The following HUS1 variants were observed in gnomAD, a reference collection of about 807,000 sequenced individuals.
The protein encoded by HUS1 is HUS1 checkpoint clamp component.
HUS1 carries 31 observed loss-of-function variants against 32.6 expected under a neutral mutation model. That is an observed-to-expected ratio of 0.95 (90% CI 0.72 to 1.28). The LOEUF (loss-of-function observed/expected upper bound fraction) is 1.28. Among genes scored for constraint, HUS1 ranks in the 50% most tolerant of loss-of-function variants. The pLI is 0.00. For missense variants in HUS1, 340 were observed against 337.7 expected, an observed-to-expected ratio of 1.01 and a Z score of -0.05; for synonymous variants, 123 against 116.6, an observed-to-expected ratio of 1.06 and a Z score of -0.36.
At chr7:47,978,152 G>T in intron 3 of HUS1, 1 of 368,828 alleles carries the variant, frequency 2.7e-6, no homozygotes, top group South Asian at 5.1e-5. Context: ...TAGACAAGGT[G>T]ACAATACCAC....
chr7:47,968,783 T>G (rs1470312595), intron 6 of HUS1: 1 of 158,884 alleles, frequency 6.3e-6, no homozygotes, highest in Non-Finnish European at 1.4e-5. Context: ...AGAAATGTGA[T>G]CAAGTGAAAC....
chr7:47,967,911 G>A lies in HUS1; in HGVS notation c.655C>T (p.His219Tyr). The change falls in exon 7 of 8, where the codon CAT becomes TAT. Residue 219 changes from histidine to tyrosine, a missense_variant. Coordinates refer to ENST00000258774, the MANE Select transcript of HUS1 (RefSeq NM_004507.4). ...ATGTGTTCCACGTTTCTGTCCTCATGGGTGCTTTCAGAGGCTAAAATGATA... is the reference window on the plus strand; with the variant it reads ...ATGTGTTCCACGTTTCTGTCCTCATAGGTGCTTTCAGAGGCTAAAATGATA... ...GNPPLASESTHEDRNVEHMAE... is the reference protein window; with the variant it reads ...GNPPLASESTYEDRNVEHMAE... 6.2e-7 allele frequency: 1 copy of A among 1,612,408 alleles called. No homozygotes were observed. Among genetic ancestry groups the A allele is most frequent in the East Asian group, 2.2e-5 (1 of 44,862 alleles).
intron 3 of HUS1, 81 bp downstream of exon 3, chr7:47,978,336 T>C (rs981918719): frequency 8.3e-7 from 1 of 1,204,696 alleles, no homozygotes. Context: ...ACAGTATTTA[T>C]TGTTAAAAAG....
At chr7:47,975,109 C>T (rs2686841) in intron 5 of HUS1, among the ~76,000 whole-genome samples, 5 of 151,836 alleles carry the variant, frequency 3.3e-5, no homozygotes, top group Non-Finnish European at 5.9e-5. Context: ...GTCAGGAGAT[C>T]GAGACCATCC....
chr7:47,969,182 T>C, intron 6 of HUS1, 37 bp downstream of exon 6: 1 of 1,058,428 alleles, frequency 9.4e-7, no homozygotes. Flanking sequence ...AACAATTAAC[T>C]TATCCAAAGC....
At chr7:47,972,067 T>C (rs1788610871) in intron 5 of HUS1, among the ~76,000 whole-genome samples, 1 of 152,196 alleles carries the variant, frequency 6.6e-6, no homozygotes, top group Non-Finnish European at 1.5e-5. Context: ...AAATATATTG[T>C]TATATTTCCT....
rs1313219578 is a variant in HUS1 at position 47,963,452 on chromosome 7, AACT to A, written c.*1901_*1903del. On this transcript the variant is annotated 3_prime_UTR_variant, in exon 8 of 8. Coordinates refer to ENST00000258774, the MANE Select transcript of HUS1 (RefSeq NM_004507.4). Reference sequence around the variant, plus strand: ...TTTAACAGCAATTTCAGTTTTATAAAACTACTTTCAGATATTGTTTCATTTTGT... The same window carrying A: ...TTTAACAGCAATTTCAGTTTTATAAAACTTTCAGATATTGTTTCATTTTGT... 1.3e-5 allele frequency: 2 copies of A among 152,206 alleles called. No individual in the cohort carries two copies. Among genetic ancestry groups the A allele is most frequent in the African/African-American group, 4.8e-5 (2 of 41,420 alleles). The allele number at this position is 152,206 out of a possible 1,614,324, so 9.4% of individuals were successfully genotyped here.
chr7:47,969,402 G>T (rs1788548632), intron 5 of HUS1, 84 bp from the exon 6 acceptor site: 1 of 726,668 alleles, frequency 1.4e-6, no homozygotes, highest in Admixed American at 2.5e-5. Flanking sequence ...CACACAACCA[G>T]ATGACAAAGT....
rs147406656 is a variant in HUS1, at chr7:47,971,184, A to C, written c.541-1866T>G. 4.7e-3 allele frequency: 806 copies of C among 169,840 alleles called. 3 individuals are homozygous for C. The highest frequency in any genetic ancestry group is 8.1e-3 in the Non-Finnish European group (642 of 79,110). 10.5% of individuals were successfully genotyped at this position (169,840 alleles called of 1,614,324 possible). On this transcript the variant is annotated intron_variant, in intron 5 of 7. Transcript: ENST00000258774. ...AAATATAAATCAACCATTTGTCATA[A>C]ACACACATTTAATATGACTATAAGG...
rs1320886928 is a variant in HUS1, at chr7:47,978,435, G to C, written c.339C>G (p.Leu113=). 1.2e-6 allele frequency: 2 copies of C among 1,614,070 alleles called. No individual in the cohort carries two copies. The highest frequency in any genetic ancestry group is 2.7e-5 in the African/African-American group (2 of 74,942). ...IKLTNKHFPC[L]TVSVELLSMS... Reference sequence around the variant, plus strand: ...TACTCACCAGCTCCACGGAGACCGTGAGGCAGGGAAAGTGTTTATTAGTCA... The same window carrying C: ...TACTCACCAGCTCCACGGAGACCGTCAGGCAGGGAAAGTGTTTATTAGTCA... Residue 113 remains leucine, a synonymous_variant, in exon 3 of 8, where the codon CTC becomes CTG. Transcript: ENST00000258774.
rs1200133173 is a variant in HUS1, at chr7:47,968,271, TA to T, written c.641-347del. Among the ~76,000 whole-genome samples the T allele has an allele frequency of 3.8e-3, 548 of 145,554 alleles. 3 individuals carry two copies. Among genetic ancestry groups the T allele is most frequent in the African/African-American group, 0.012 (484 of 39,784 alleles). ...AAGGCCTGTCATTCTGGAGTGGAAT[TA>T]AAAAAAAAAAGAAAACATCCTTTCT... On this transcript the variant is annotated intron_variant, in intron 6 of 7. Transcript: ENST00000258774.
chr7:47,965,724 T>C (rs571031439), intron 7 of HUS1, among the ~76,000 whole-genome samples: 94 of 152,196 alleles, frequency 6.2e-4, no homozygotes, highest in Middle Eastern at 3.4e-3. Flanking sequence ...TTCACCCACA[T>C]GAGCATCCTT....
At chr7:47,975,043 G>A (rs938090842) in intron 5 of HUS1, among the ~76,000 whole-genome samples, 4 of 152,208 alleles carry the variant, frequency 2.6e-5, no homozygotes, top group African/African-American at 9.6e-5. Context: ...GCCGGGCGCG[G>A]TGGCTCACGC....
chr7:47,968,579 T>A (rs1050596688), intron 6 of HUS1, among the ~76,000 whole-genome samples: 3 of 152,360 alleles, frequency 2.0e-5, no homozygotes, highest in Admixed American at 1.3e-4. Context: ...GATTTTCTCA[T>A]CATCCCCAGG....
In HUS1 at chr7:47,978,545, TG is replaced by T. The variant is rs1307409934; in HGVS notation, c.228del (p.Asn76LysfsTer6). On this transcript the variant is annotated frameshift_variant, in exon 3 of 8. Coordinates refer to ENST00000258774, the MANE Select transcript of HUS1 (RefSeq NM_004507.4). LOFTEE classifies it high-confidence loss of function. Reference protein sequence around the residue: ...EFQMEGVSAENNEIYLELTSE... With the variant: ...EFQMEGVSAEXNEIYLELTSE... ...GATGTTAGCTCTAAATAAATCTCAT[TG>T]TTTTCTGCAGAGACACCCTCCATTT... 2 of 1,614,124 alleles carry T rather than the reference TG, an allele frequency of 1.2e-6. No homozygotes were observed. Among genetic ancestry groups the T allele is most frequent in the Non-Finnish European group, 1.7e-6 (2 of 1,180,042 alleles).
intron 1 of HUS1, 48 bp from the exon 2 acceptor site, chr7:47,978,864 T>C: frequency 6.4e-7 from 1 of 1,560,770 alleles, no homozygotes; most frequent in Non-Finnish European, 8.7e-7. Flanking sequence ...ACATTATGTA[T>C]CCTAGAGACC....
intron 6 of HUS1, 190 bp downstream of exon 6, chr7:47,969,029 C>T: frequency 1.9e-6 from 1 of 528,692 alleles, no homozygotes; most frequent in Non-Finnish European, 3.3e-6. Context: ...CACAGCTTCT[C>T]CCCCTGGTGG....
At chr7:47,966,704 G>A (rs563139107) in intron 7 of HUS1, among the ~76,000 whole-genome samples, 2 of 152,074 alleles carry the variant, frequency 1.3e-5, no homozygotes, top group South Asian at 4.2e-4. Flanking sequence ...CATGCACATC[G>A]AGGTTCTCAG....
Position 47,965,416 on chromosome 7 carries a change from C to T in HUS1, c.783G>A (p.Val261=), listed in dbSNP as rs1282520296. The change falls in exon 8 of 8, where the codon GTG becomes GTA. Residue 261 remains valine, a synonymous_variant. Transcript: ENST00000258774. The part of the protein sequence containing the change: ...ALCNIVNNKM[V]HFDLLHEDVS... ...CGTCTTCATGAAGCAGATCAAAATG[C>T]ACCATCTTGTTATTCACAATATCTG... is the stretch of plus-strand genomic sequence containing the variant. 1.2e-6 allele frequency: 2 copies of T among 1,612,982 alleles called. No homozygotes were observed. Among genetic ancestry groups the T allele is most frequent in the Non-Finnish European group, 1.7e-6 (2 of 1,178,946 alleles).
Sources: gnomAD v4.1 joint callset for allele counts (sites outside exome capture counted in the v4.1 genomes callset) on GRCh38, gnomAD v4.1.1 for gene constraint, MANE v1.5 for transcripts, NCBI Gene and HGNC (gene_info 2026-07-23, HGNC 2026-07-21) for gene names.